SCN2A: variants seen among roughly 807,000 people sequenced by gnomAD.
SCN2A encodes the protein sodium voltage-gated channel alpha subunit 2.
Under a neutral mutation model 188.7 loss-of-function variants are expected in SCN2A, and 20 were observed. The observed-to-expected ratio is 0.11, with a 90% confidence interval of 0.07 to 0.15. The LOEUF is 0.15. Ranked by LOEUF, SCN2A falls within the 10% of genes least tolerant of loss-of-function variation. The pLI is 1.00. For missense variants in SCN2A, 1,278 were observed against 2,445.0 expected (o/e 0.52, Z 10.07); for synonymous variants, 804 against 833.1 (o/e 0.97, Z 0.60).
intron 13 of SCN2A, 47 bp downstream of exon 13, chr2:165,327,031 AT>A (rs779895412): frequency 4.4e-5 from 70 of 1,605,140 alleles, no homozygotes; most frequent in Non-Finnish European, 5.8e-5. Flanking sequence ...TTTGGTAATG[AT>A]GAAAAAACAC....
chr2:165,314,219 G>A (rs538953949), intron 10 of SCN2A, 111 bp downstream of exon 10: 4 of 1,104,804 alleles, frequency 3.6e-6, no homozygotes, highest in Non-Finnish European at 5.3e-6. Context: ...ATATGTGTTT[G>A]GTAAGTGCTA....
In SCN2A at chr2:165,389,907, A is replaced by G; in HGVS notation, c.*83A>G. On this transcript the variant is annotated 3_prime_UTR_variant, in exon 27 of 27. Coordinates refer to ENST00000375437, the MANE Select transcript of SCN2A (RefSeq NM_001040142.2). The surrounding 1 kb of genome is among the most constrained non-coding windows in gnomAD (Gnocchi z 4.2). ...GTGTTTGTGTCAACAGGACTCCCAC[A>G]GGAGGTCTATGCCAAACTGACTGTT... is the stretch of plus-strand genomic sequence containing the variant. 12 of 1,532,708 alleles carry G rather than the reference A, an allele frequency of 7.8e-6. No homozygotes were observed. The highest frequency in any genetic ancestry group is 1.0e-5 in the Non-Finnish European group (12 of 1,145,678). The allele number at this position is 1,532,708 out of a possible 1,614,324, so 94.9% of individuals were successfully genotyped here. A position where few individuals can be genotyped will look rare whatever the true frequency, so the allele number is the denominator to read the frequency against.
At chr2:165,305,275 A>G (rs1158746757) in intron 3 of SCN2A, among the ~76,000 whole-genome samples, 2 of 152,198 alleles carry the variant, frequency 1.3e-5, no homozygotes, top group Non-Finnish European at 2.9e-5. Flanking sequence ...ATTAAAAGAT[A>G]CTTTTCAAAA....
chr2:165,296,224 C>T, intron 2 of SCN2A, 134 bp downstream of exon 2: 4 of 840,230 alleles, frequency 4.8e-6, no homozygotes, highest in South Asian at 1.5e-5. Flanking sequence ...TGGGCCTGAC[C>T]GTGTAATGGA....
chr2:165,345,033 C>A, intron 16 of SCN2A, 122 bp downstream of exon 16: 1 of 1,236,950 alleles, frequency 8.1e-7, no homozygotes, highest in Non-Finnish European at 1.2e-6. Context: ...GTCTATTACT[C>A]ATGACTGTAA....
chr2:165,365,848 AC>A (rs1336174587), intron 18 of SCN2A, among the ~76,000 whole-genome samples: 1 of 152,292 alleles, frequency 6.6e-6, no homozygotes, highest in Admixed American at 6.5e-5. Flanking sequence ...GCAATATGTC[AC>A]TGGAGTAATC....
chr2:165,339,533 C>T (rs137885994), intron 14 of SCN2A, among the ~76,000 whole-genome samples: 93 of 151,912 alleles, frequency 6.1e-4, no homozygotes, highest in East Asian at 3.7e-3. Flanking sequence ...TAGAAATAAA[C>T]GCGATATTAA....
At chr2:165,313,388 A>G (rs1287235567) in intron 8 of SCN2A, among the ~76,000 whole-genome samples, 1 of 152,192 alleles carries the variant, frequency 6.6e-6, no homozygotes, top group African/African-American at 2.4e-5. Context: ...GACATAATAA[A>G]TATAATAATG....
At chr2:165,327,070 G>C in intron 13 of SCN2A, 86 bp downstream of exon 13, 2 of 1,466,484 alleles carry the variant, frequency 1.4e-6, no homozygotes, top group Non-Finnish European at 1.9e-6. Flanking sequence ...AATACTTCCT[G>C]ACTTGATATT....
chr2:165,385,530 A>T lies in SCN2A; in HGVS notation c.4552-1216A>T, dbSNP rs77846958. Among the ~76,000 whole-genome samples, 1,518 of 152,264 alleles carry T rather than the reference A, an allele frequency of 1.0e-2. 17 individuals carry two copies. Among genetic ancestry groups the T allele is most frequent in the African/African-American group, 0.034 (1,399 of 41,542 alleles). On this transcript the variant is annotated intron_variant, in intron 25 of 26. Transcript: ENST00000375437. ...TTAAAAGATAATTTTATTCTTACAGAAGAGTTACTCATAATGAATACTCTA... is the reference window on the plus strand; with the variant it reads ...TTAAAAGATAATTTTATTCTTACAGTAGAGTTACTCATAATGAATACTCTA...
chr2:165,368,698 G>T (rs1410173257), intron 19 of SCN2A, among the ~76,000 whole-genome samples: 1 of 152,118 alleles, frequency 6.6e-6, no homozygotes, highest in East Asian at 1.9e-4. Flanking sequence ...TTAATATAAT[G>T]AAAATGATAT....
intron 14 of SCN2A, among the ~76,000 whole-genome samples, chr2:165,334,095 A>G (rs1698845448): frequency 1.3e-5 from 2 of 151,382 alleles, no homozygotes; most frequent in South Asian, 2.1e-4. Flanking sequence ...ATATACTTAT[A>G]ATAAGTAAAC....
Position 165,386,913 on chromosome 2 carries a change from G to C in SCN2A, c.4719G>C (p.Leu1573=), listed in dbSNP as rs374952775. The C allele has an allele frequency of 6.2e-6, 10 of 1,613,872 alleles. No individual in the cohort carries two copies. Among genetic ancestry groups the C allele is most frequent in the Admixed American group, 1.7e-5 (1 of 59,988 alleles). The part of the protein sequence containing the change: ...LYWINLVFIV[L]FTGECVLKLI... ...GGATTAATCTGGTGTTTATTGTTCTGTTCACTGGAGAATGTGTGCTGAAAC... is the reference window on the plus strand; with the variant it reads ...GGATTAATCTGGTGTTTATTGTTCTCTTCACTGGAGAATGTGTGCTGAAAC... The change falls in exon 26 of 27, where the codon CTG becomes CTC. Residue 1573 remains leucine, a synonymous_variant. Coordinates refer to ENST00000375437, the MANE Select transcript of SCN2A (RefSeq NM_001040142.2).
intron 1 of SCN2A, 70 bp from the exon 2 acceptor site, chr2:165,295,703 T>G: frequency 1.4e-6 from 2 of 1,418,918 alleles, no homozygotes; most frequent in Non-Finnish European, 2.0e-6. Context: ...CAGTGCTCAG[T>G]GTCATGTAAC....
chr2:165,289,728 C>T (rs1696016491), intron 1 of SCN2A, among the ~76,000 whole-genome samples: 1 of 152,056 alleles, frequency 6.6e-6, no homozygotes, highest in South Asian at 2.1e-4. Context: ...GCAAAAGTAT[C>T]TTTGATGTGA....
chr2:165,376,471 A>G (rs1236174829), intron 22 of SCN2A, among the ~76,000 whole-genome samples: 1 of 152,020 alleles, frequency 6.6e-6, no homozygotes, highest in Admixed American at 6.6e-5. Flanking sequence ...TGTGTTTACA[A>G]ATACTTCCTT....
chr2:165,303,901 A>G (rs1266024391), intron 3 of SCN2A, among the ~76,000 whole-genome samples: 1 of 152,088 alleles, frequency 6.6e-6, no homozygotes, highest in Non-Finnish European at 1.5e-5. Flanking sequence ...GAAAATAATT[A>G]TTTCTCTTGT....
chr2:165,358,395 A>G (rs1179740818), intron 17 of SCN2A, among the ~76,000 whole-genome samples: 1 of 152,142 alleles, frequency 6.6e-6, no homozygotes, highest in Non-Finnish European at 1.5e-5. Flanking sequence ...ATGAATAGGA[A>G]TGTCTGTGTT....
chr2:165,278,538 C>A (rs1695444261), intron 1 of SCN2A, among the ~76,000 whole-genome samples: 1 of 152,174 alleles, frequency 6.6e-6, no homozygotes, highest in Non-Finnish European at 1.5e-5. Flanking sequence ...TCCACCTAGT[C>A]TCTCCCTTGA....
Sources: gnomAD v4.1 joint callset for allele counts (sites outside exome capture counted in the v4.1 genomes callset) on GRCh38, gnomAD v4.1.1 for gene constraint, Gnocchi (gnomAD v3.1) non-coding constraint, MANE v1.5 for transcripts, NCBI Gene and HGNC (gene_info 2026-07-23, HGNC 2026-07-21) for gene names.